Variants in DCP1A observed in about 807,000 individuals in gnomAD.
DCP1A encodes the protein decapping mRNA 1A.
DCP1A carries 20 observed loss-of-function variants against 58.0 expected under a neutral mutation model. The ratio of observed to expected loss-of-function variants is 0.34; its 90% CI spans 0.24 to 0.50. The LOEUF (loss-of-function observed/expected upper bound fraction) is 0.50. Ranked by LOEUF, DCP1A falls within the 20% of genes least tolerant of loss-of-function variation. DCP1A has a pLI of 0.98. For missense variants in DCP1A, 613 were observed against 712.2 expected, an observed-to-expected ratio of 0.86 and a Z score of 1.59; for synonymous variants, 285 against 275.1, an observed-to-expected ratio of 1.04 and a Z score of -0.36.
At chr3:53,318,393 T>C (rs967135099) in intron 4 of DCP1A, among the ~76,000 whole-genome samples, 15 of 152,240 alleles carry the variant, frequency 9.9e-5, no homozygotes, top group African/African-American at 3.1e-4. Context: ...AAACATGTGA[T>C]TGAAAACTGT....
At chr3:53,310,827 G>A (rs1276875563) in intron 5 of DCP1A, among the ~76,000 whole-genome samples, 1 of 152,208 alleles carries the variant, frequency 6.6e-6, no homozygotes, top group East Asian at 1.9e-4. Flanking sequence ...CACCCTGGAG[G>A]TGGGACTTCC....
chr3:53,295,245 A>G (rs1377961851), intron 6 of DCP1A, among the ~76,000 whole-genome samples: 1 of 152,218 alleles, frequency 6.6e-6, no homozygotes, highest in Non-Finnish European at 1.5e-5. Flanking sequence ...AAATGTAGTC[A>G]GTAAAAAGTA....
rs140391012 is a variant in DCP1A, at chr3:53,292,442, C to A, written c.1010G>T (p.Arg337Leu). Residue 337 changes from arginine to leucine, a missense_variant, in exon 7 of 10, where the codon CGA becomes CTA. This residue lies in a region of DCP1A where 498 missense variants were observed against 556.7 expected (regional missense o/e 0.89). Coordinates refer to ENST00000610213, the MANE Select transcript of DCP1A (RefSeq NM_018403.7). ...PTAQVPPSLP[R>L]NSTMMQAVKT... ...CACTGCCTGCATCATGGTGCTGTTT[C>A]GAGGTAAGCTGGGGGGAACCTGTGC... 1.9e-6 allele frequency: 3 copies of A among 1,613,888 alleles called. No individual in the cohort carries two copies. The highest frequency in any genetic ancestry group is 2.5e-6 in the Non-Finnish European group (3 of 1,179,878).
intron 6 of DCP1A, among the ~76,000 whole-genome samples, chr3:53,293,279 A>G (rs1392577885): frequency 1.3e-5 from 2 of 152,202 alleles, no homozygotes; most frequent in Non-Finnish European, 2.9e-5. Flanking sequence ...CTAGCCATTT[A>G]ATAGTGGGCC....
At chr3:53,303,206 C>G (rs1707365019) in intron 6 of DCP1A, among the ~76,000 whole-genome samples, 1 of 152,118 alleles carries the variant, frequency 6.6e-6, no homozygotes, top group Non-Finnish European at 1.5e-5. Context: ...CTGCCTTGGC[C>G]TCCCAAAGAG....
chr3:53,325,416 T>C, intron 3 of DCP1A, among the ~76,000 whole-genome samples: 1 of 152,142 alleles, frequency 6.6e-6, no homozygotes, highest in East Asian at 1.9e-4. Flanking sequence ...AAAAAGGTGG[T>C]TTAATAAAAA....
intron 3 of DCP1A, among the ~76,000 whole-genome samples, chr3:53,335,704 A>G (rs1398351485): frequency 6.6e-6 from 1 of 152,168 alleles, no homozygotes; most frequent in Non-Finnish European, 1.5e-5. Context: ...TTCTCTTTTC[A>G]GCTATTACCA....
intron 6 of DCP1A, among the ~76,000 whole-genome samples, chr3:53,297,661 TA>T (rs1193639666): frequency 1.3e-5 from 2 of 152,194 alleles, no homozygotes; most frequent in South Asian, 2.1e-4. Context: ...CCAACAAGAC[TA>T]ATTCTTATTA....
chr3:53,297,573 C>T (rs1232424282), intron 6 of DCP1A, among the ~76,000 whole-genome samples: 3 of 152,042 alleles, frequency 2.0e-5, no homozygotes, highest in Non-Finnish European at 1.5e-5. Flanking sequence ...GTTGGCCAGG[C>T]TGTTCTTGAA....
chr3:53,292,798 C>A lies in DCP1A; in HGVS notation c.654G>T (p.Thr218=). Reference sequence around the variant, plus strand: ...AAGAGGTTCCAAATAACTCTTCTACCGTCAGATGCTTGTGTCCAGATGGAG... The same window carrying A: ...AAGAGGTTCCAAATAACTCTTCTACAGTCAGATGCTTGTGTCCAGATGGAG... ...KSAPSGHKHL[T]VEELFGTSLP... Residue 218 remains threonine, a synonymous_variant, in exon 7 of 10, where the codon ACG becomes ACT. Transcript: ENST00000610213. 1 of 1,609,968 alleles carries A rather than the reference C, an allele frequency of 6.2e-7. No homozygotes were observed. The highest frequency in any genetic ancestry group is 8.5e-7 in the Non-Finnish European group (1 of 1,179,748).
At chr3:53,314,964 G>A (rs1553689069) in intron 4 of DCP1A, among the ~76,000 whole-genome samples, 1 of 151,998 alleles carries the variant, frequency 6.6e-6, no homozygotes, top group African/African-American at 2.4e-5. Flanking sequence ...GAGCCACTGC[G>A]CCCAGCCAGA....
chr3:53,340,114 G>T (rs566762150), intron 3 of DCP1A, among the ~76,000 whole-genome samples: 1 of 152,038 alleles, frequency 6.6e-6, no homozygotes, highest in Admixed American at 6.6e-5. Context: ...TTGTGGAGTG[G>T]GGGTTTTGAC....
At chr3:53,303,940 G>A (rs1460441093) in intron 6 of DCP1A, among the ~76,000 whole-genome samples, 4 of 152,228 alleles carry the variant, frequency 2.6e-5, no homozygotes, top group Non-Finnish European at 4.4e-5. Flanking sequence ...TACTCTGGCT[G>A]TTGGGTTAAG....
At chr3:53,307,097 T>C (rs1553688152) in intron 5 of DCP1A, among the ~76,000 whole-genome samples, 1 of 151,826 alleles carries the variant, frequency 6.6e-6, no homozygotes, top group African/African-American at 2.4e-5. Flanking sequence ...TATAGGCACA[T>C]ACCACCACAC....
chr3:53,296,021 C>T (rs62256059), intron 6 of DCP1A, among the ~76,000 whole-genome samples: 65,728 of 151,650 alleles, frequency 0.43, 14,875 homozygotes, highest in African/African-American at 0.54. Flanking sequence ...GCCTCCTGAG[C>T]AGCTGGGATT....
intron 1 of DCP1A, among the ~76,000 whole-genome samples, chr3:53,345,504 G>T (rs571071346): frequency 1.1e-4 from 16 of 152,178 alleles, no homozygotes; most frequent in South Asian, 1.0e-3. Context: ...AGTATACCCT[G>T]CCTCAGTGTA....
At chr3:53,315,737 G>GTTTTT (rs1559694347) in intron 4 of DCP1A, among the ~76,000 whole-genome samples, 1 of 111,958 alleles carries the variant, frequency 8.9e-6, no homozygotes, top group African/African-American at 3.2e-5. Context: ...GAGTAAATCA[G>GTTTTT]TTTGTTGTTT....
At chr3:53,337,905 C>T (rs2089143183) in intron 3 of DCP1A, among the ~76,000 whole-genome samples, 1 of 152,244 alleles carries the variant, frequency 6.6e-6, no homozygotes. Context: ...AGCCACATTG[C>T]AGGCTACTAT....
intron 3 of DCP1A, among the ~76,000 whole-genome samples, chr3:53,332,444 G>A (rs1348201956): frequency 3.3e-5 from 5 of 152,134 alleles, no homozygotes; most frequent in African/African-American, 9.7e-5. Context: ...AAAAATGCAT[G>A]TTCTCTTCCT....
Sources: gnomAD v4.1 joint callset for allele counts (sites outside exome capture counted in the v4.1 genomes callset) on GRCh38, gnomAD v4.1.1 for gene constraint, gnomAD v4.1.1 regional missense constraint, MANE v1.5 for transcripts, NCBI Gene and HGNC (gene_info 2026-07-23, HGNC 2026-07-21) for gene names.